PPM1B: variants seen among roughly 807,000 people sequenced by gnomAD.
PPM1B encodes the protein protein phosphatase 1B.
PPM1B carries 22 observed loss-of-function variants against 43.0 expected under a neutral mutation model. The observed-to-expected ratio is 0.51, with a 90% CI of 0.37 to 0.73. The LOEUF (loss-of-function observed/expected upper bound fraction) is 0.73. PPM1B is among the 30% of genes least tolerant of loss of function. The pLI is 0.00. For missense variants in PPM1B, 632 were observed against 584.2 expected (o/e 1.08, Z -0.84); for synonymous variants, 217 against 197.9 (o/e 1.10, Z -0.81).
At chr2:44,189,018 C>T (rs1433014354) in intron 1 of PPM1B, among the ~76,000 whole-genome samples, 1 of 151,790 alleles carries the variant, frequency 6.6e-6, no homozygotes, top group Non-Finnish European at 1.5e-5. Flanking sequence ...ACAGGCATGC[C>T]GCCACCACAC....
At chr2:44,245,368 G>C (rs1396196446), downstream of PPM1B, among the ~76,000 whole-genome samples, 2 of 152,120 alleles carry the variant, frequency 1.3e-5, no homozygotes, top group Non-Finnish European at 2.9e-5. Flanking sequence ...TCAGGAATGA[G>C]TTCATTTCCA....
At chr2:44,220,602 A>G (rs1377096411) in intron 5 of PPM1B, among the ~76,000 whole-genome samples, 2 of 152,236 alleles carry the variant, frequency 1.3e-5, no homozygotes, top group African/African-American at 2.4e-5. Flanking sequence ...TCACAGAGGG[A>G]GAAGACTAGA....
Position 44,201,459 on chromosome 2 carries a change from C to T in PPM1B, c.260C>T (p.Ala87Val), listed in dbSNP as rs1375897026. ...ATCACTACTAACGAAGACTTTAGGG[C>T]AGCTGGAAAATCAGGATCTGCTCTT... is the stretch of plus-strand genomic sequence containing the variant. ...EHITTNEDFRAAGKSGSALEL... is the reference protein window; with the variant it reads ...EHITTNEDFRVAGKSGSALEL... Residue 87 changes from alanine to valine, a missense_variant, in exon 2 of 6, where the codon GCA becomes GTA. Transcript: ENST00000282412. This position sits in a 1 kb window ranked among gnomAD's most constrained non-coding sequence, Gnocchi z 5.4. The T allele has an allele frequency of 5.0e-6, 8 of 1,614,066 alleles. No homozygotes were observed. Among genetic ancestry groups the T allele is most frequent in the Admixed American group, 1.7e-5 (1 of 60,004 alleles).
Position 44,168,927 on chromosome 2 carries a change from T to A in PPM1B, c.-362T>A, listed in dbSNP as rs1054554241. On this transcript the variant is annotated 5_prime_UTR_variant, in exon 1 of 6. An upstream open reading frame in the 5' UTR loses its in-frame stop. Coordinates refer to ENST00000282412, the MANE Select transcript of PPM1B (RefSeq NM_002706.6). ...AATGGCGGAAAAGCCGCCGGTGCTCTGACGGCCTCGTTCCCCTAGCAGTTG... is the reference window on the plus strand; with the variant it reads ...AATGGCGGAAAAGCCGCCGGTGCTCAGACGGCCTCGTTCCCCTAGCAGTTG... 1.3e-5 allele frequency: 2 copies of A among 153,504 alleles called. No homozygotes were observed. Among genetic ancestry groups the A allele is most frequent in the African/African-American group, 2.4e-5 (1 of 41,456 alleles). The allele number at this position is 153,504 out of a possible 1,614,324, so 9.5% of individuals were successfully genotyped here. A position where few individuals can be genotyped will look rare whatever the true frequency, so the allele number is the denominator to read the frequency against.
intron 5 of PPM1B, among the ~76,000 whole-genome samples, chr2:44,228,187 C>CTTCTTTTTTT (rs1553337239): frequency 2.6e-5 from 3 of 115,176 alleles, no homozygotes; most frequent in Non-Finnish European, 5.1e-5. Flanking sequence ...CTAACAAGCC[C>CTTCTTTTTTT]TTTTTTTTTT....
chr2:44,233,378 A>ATAAG (rs1670523528), downstream of PPM1B: 2 of 984,102 alleles, frequency 2.0e-6, no homozygotes, highest in Non-Finnish European at 2.4e-6. Context: ...TGATTGTCAC[A>ATAAG]TAAGGTACTT....
intron 5 of PPM1B, among the ~76,000 whole-genome samples, chr2:44,239,976 G>A (rs1469001774): frequency 3.6e-5 from 4 of 112,540 alleles, no homozygotes; most frequent in African/African-American, 8.3e-5. Context: ...CATCTAGCAG[G>A]TATACATTGT....
At chr2:44,210,881 T>C (rs1310960657) in intron 3 of PPM1B, among the ~76,000 whole-genome samples, 1 of 152,166 alleles carries the variant, frequency 6.6e-6, no homozygotes, top group East Asian at 1.9e-4. Flanking sequence ...CTCACACCTA[T>C]AATCCCAGCA....
intron 2 of PPM1B, among the ~76,000 whole-genome samples, chr2:44,205,423 C>T (rs901577887): frequency 1.4e-5 from 2 of 147,782 alleles, no homozygotes; most frequent in South Asian, 4.3e-4. Context: ...AGAAATTTTT[C>T]CCCAAGGGAA....
At chr2:44,215,420 T>C (rs75764786) in intron 3 of PPM1B, among the ~76,000 whole-genome samples, 5,664 of 151,874 alleles carry the variant, frequency 0.037, 328 homozygotes, top group African/African-American at 0.13. Flanking sequence ...ATGGCACCAC[T>C]GCACTCCAGC....
At chr2:44,205,970 C>G in intron 2 of PPM1B, among the ~76,000 whole-genome samples, 1 of 152,110 alleles carries the variant, frequency 6.6e-6, no homozygotes, top group Non-Finnish European at 1.5e-5. Flanking sequence ...GAGCTGAGAT[C>G]GCGCCATTGC....
At chr2:44,239,031 T>C (rs1285191175), downstream of PPM1B, among the ~76,000 whole-genome samples, 1 of 151,884 alleles carries the variant, frequency 6.6e-6, no homozygotes, top group Non-Finnish European at 1.5e-5. Context: ...GAAAATTGGC[T>C]GGACGTGGTG....
chr2:44,223,050 T>G (rs1448250131), intron 5 of PPM1B, among the ~76,000 whole-genome samples: 5 of 152,196 alleles, frequency 3.3e-5, no homozygotes. Flanking sequence ...AGGGCTAGTC[T>G]TGAACTCCTG....
intron 1 of PPM1B, among the ~76,000 whole-genome samples, chr2:44,173,908 A>C (rs1667465414): frequency 6.6e-6 from 1 of 152,232 alleles, no homozygotes; most frequent in Admixed American, 6.5e-5. Context: ...ACGCCACTGC[A>C]CTCCAGATTG....
intron 2 of PPM1B, among the ~76,000 whole-genome samples, chr2:44,204,883 A>G (rs1181228130): frequency 1.3e-5 from 2 of 150,650 alleles, no homozygotes; most frequent in Non-Finnish European, 2.9e-5. Flanking sequence ...AAAAAAAAAA[A>G]AGATAAGCAT....
intron 2 of PPM1B, among the ~76,000 whole-genome samples, chr2:44,207,254 A>C (rs905607883): frequency 6.6e-6 from 1 of 152,208 alleles, no homozygotes; most frequent in East Asian, 1.9e-4. Flanking sequence ...TCTGAAAGGC[A>C]TAAGTCTGAA....
intron 3 of PPM1B, among the ~76,000 whole-genome samples, chr2:44,210,686 C>T (rs1435923169): frequency 6.6e-6 from 1 of 152,062 alleles, no homozygotes; most frequent in Non-Finnish European, 1.5e-5. Flanking sequence ...TCCTTCCTTC[C>T]TTCCCTCTCC....
intron 5 of PPM1B, 111 bp from the exon 6 acceptor site, chr2:44,230,302 G>C: frequency 1.3e-6 from 2 of 1,514,314 alleles, no homozygotes; most frequent in Non-Finnish European, 1.8e-6. Flanking sequence ...CTCATGCTTA[G>C]ACTATATTAC....
chr2:44,241,857 CT>C (rs397984437), intron 5 of PPM1B, among the ~76,000 whole-genome samples: 6 of 90,958 alleles, frequency 6.6e-5, no homozygotes, highest in African/African-American at 1.4e-4. Flanking sequence ...AGAAAATAAT[CT>C]TTTTTTTTTT....
Sources: allele counts gnomAD v4.1 joint callset (sites outside exome capture counted in the v4.1 genomes callset), GRCh38; gene constraint gnomAD v4.1.1; non-coding constraint Gnocchi (gnomAD v3.1); transcripts MANE v1.5; gene names NCBI Gene and HGNC (gene_info 2026-07-23, HGNC 2026-07-21).